IHO1: variants seen among roughly 807,000 people sequenced by gnomAD.
The protein encoded by IHO1 is interactor of HORMAD1 1.
In IHO1, 13 loss-of-function variants were observed where a neutral mutation model predicts 31.0. The observed-to-expected ratio is 0.42, with a 90% confidence interval of 0.27 to 0.67. The LOEUF (loss-of-function observed/expected upper bound fraction) is 0.67. IHO1 is among the 30% of genes least tolerant of loss of function. The pLI is 0.24. For synonymous variants in IHO1, 221 were observed against 248.4 expected (o/e 0.89, Z 1.04); for missense variants, 599 against 687.5 (o/e 0.87, Z 1.44).
upstream of IHO1, chr3:49,198,423 T>A (rs1165963824): frequency 6.6e-6 from 1 of 152,404 alleles, no homozygotes; most frequent in African/African-American, 2.4e-5. Context: ...TCCAACTCCT[T>A]GGCTGCTTTT....
intron 2 of IHO1, among the ~76,000 whole-genome samples, chr3:49,213,092 C>T (rs1299429217): frequency 6.6e-6 from 1 of 152,184 alleles, no homozygotes; most frequent in Non-Finnish European, 1.5e-5. Flanking sequence ...GGTGCATTTA[C>T]AAACCTTGAG....
rs749137201 is a variant in IHO1 at position 49,236,682 on chromosome 3, A to C, written c.191A>C (p.His64Pro). 1.2e-6 allele frequency: 2 copies of C among 1,614,080 alleles called. No individual in the cohort carries two copies. The highest frequency in any genetic ancestry group is 8.5e-7 in the Non-Finnish European group (1 of 1,180,006). ...TCAGCACCCTTGGACTTTGGTGCCC[A>C]CTTGAGACATTCAAAACAGTCACAA... ...TLSAPLDFGA[H>P]LRHSKQSQQN... Residue 64 changes from histidine (H) to proline (P), a missense_variant, in exon 3 of 8, where the codon CAC becomes CCC. His to Pro is a moderately conservative substitution (Grantham distance 77). Coordinates refer to ENST00000452691, the MANE Select transcript of IHO1 (RefSeq NM_001135197.2).
At chr3:49,208,676 C>A (rs181364340) in intron 1 of IHO1, among the ~76,000 whole-genome samples, 42 of 152,252 alleles carry the variant, frequency 2.8e-4, no homozygotes, top group African/African-American at 9.6e-4. Context: ...CTAATTTGAC[C>A]CATAATCACC....
In IHO1 at chr3:49,236,653, C is replaced by T. The variant is rs1444033940; in HGVS notation, c.162C>T (p.Thr54=). ...GSQFCPENSE[T]LSAPLDFGAH... is the part of the protein sequence containing the mutation. ...AGTTCTGTCCAGAAAATTCAGAAACCCTATCAGCACCCTTGGACTTTGGTG... is the reference window on the plus strand; with the variant it reads ...AGTTCTGTCCAGAAAATTCAGAAACTCTATCAGCACCCTTGGACTTTGGTG... Residue 54 remains threonine (T), a synonymous_variant, in exon 3 of 8, where the codon ACC becomes ACT. Coordinates refer to ENST00000452691, the MANE Select transcript of IHO1 (RefSeq NM_001135197.2). 27 of 1,613,866 alleles carry T rather than the reference C, an allele frequency of 1.7e-5. No individual in the cohort carries two copies. The highest frequency in any genetic ancestry group is 2.1e-5 in the Non-Finnish European group (25 of 1,179,948).
At chr3:49,229,995 A>G (rs1380783916) in intron 2 of IHO1, among the ~76,000 whole-genome samples, 1 of 152,166 alleles carries the variant, frequency 6.6e-6, no homozygotes, top group African/African-American at 2.4e-5. Flanking sequence ...GCAAGGTTTG[A>G]AGGAACCGCT....
At chr3:49,220,229 C>A (rs1447239722) in intron 2 of IHO1, among the ~76,000 whole-genome samples, 1 of 152,224 alleles carries the variant, frequency 6.6e-6, no homozygotes, top group Non-Finnish European at 1.5e-5. Context: ...TCGGGAAATG[C>A]CATGAGGGTC....
chr3:49,217,827 T>C (rs2046308090), intron 2 of IHO1, among the ~76,000 whole-genome samples: 1 of 152,080 alleles, frequency 6.6e-6, no homozygotes. Flanking sequence ...CAGTTCACAA[T>C]AGGGTTTGTG....
upstream of IHO1, chr3:49,198,631 C>T (rs1169516156): frequency 6.6e-6 from 1 of 152,258 alleles, no homozygotes; most frequent in Non-Finnish European, 1.5e-5. Flanking sequence ...AACGATCCTC[C>T]CGCCTCAGCC....
At chr3:49,210,932 G>A (rs966301489) in intron 1 of IHO1, among the ~76,000 whole-genome samples, 3 of 150,928 alleles carry the variant, frequency 2.0e-5, no homozygotes, top group South Asian at 2.1e-4. Flanking sequence ...TCCTGACCTA[G>A]TGATCCACCC....
intron 1 of IHO1, chr3:49,200,475 A>AAGAAAAAGAAAGAAAGAAAGAAAGAAAG (rs1553615440): frequency 9.6e-6 from 1 of 103,858 alleles, no homozygotes; most frequent in African/African-American, 6.1e-5. Flanking sequence ...AAAAAAAAAA[A>AAGAAAAAGAAAGAAAGAAAGAAAGAAAG]AAAGAAAGAA....
intron 4 of IHO1, 110 bp from the exon 5 acceptor site, chr3:49,244,294 G>A: frequency 2.8e-6 from 2 of 727,248 alleles, no homozygotes; most frequent in Non-Finnish European, 2.4e-6. Flanking sequence ...ATCAAGCAAT[G>A]TTTTGATGCT....
At position 49,256,487 on chromosome 3, in the gene IHO1, C is replaced by T; in HGVS notation, c.990C>T (p.Leu330=). 6.2e-7 allele frequency: 1 copy of T among 1,614,126 alleles called. No individual in the cohort carries two copies. Among genetic ancestry groups the T allele is most frequent in the Non-Finnish European group, 8.5e-7 (1 of 1,180,034 alleles). The part of the protein sequence containing the change: ...VWGEGAKNDD[L]QEEAALPAFG... ...GTGAAGGAGCAAAGAATGATGATCT[C>T]CAAGAAGAGGCTGCACTGCCAGCAT... Residue 330 remains leucine, a synonymous_variant, in exon 8 of 8, where the codon CTC becomes CTT. Transcript: ENST00000452691. This position sits in a 1 kb window ranked among gnomAD's most constrained non-coding sequence, Gnocchi z 4.6.
chr3:49,233,769 C>T (rs2046511682), intron 2 of IHO1, among the ~76,000 whole-genome samples: 1 of 152,206 alleles, frequency 6.6e-6, no homozygotes, highest in Admixed American at 6.5e-5. Flanking sequence ...AGCACTGTGA[C>T]ATGTTCATTA....
chr3:49,213,934 A>G (rs1335925343), intron 2 of IHO1: 1 of 412,114 alleles, frequency 2.4e-6, no homozygotes, highest in Non-Finnish European at 5.1e-6. Context: ...GCCAGAGTGG[A>G]CGCCAAGGCC....
At chr3:49,191,926 T>G in the IHO1 span, 1 of 728,500 alleles carries the variant, frequency 1.4e-6, no homozygotes, top group South Asian at 1.6e-5. Context: ...AGACAGTACA[T>G]GACCTGTTGC....
intron 1 of IHO1, among the ~76,000 whole-genome samples, chr3:49,205,027 CAAA>C (rs1001881046): frequency 7.4e-6 from 1 of 134,932 alleles, no homozygotes. Context: ...GACTCCATCT[CAAA>C]AAAAAAAAAA....
In IHO1 at chr3:49,202,806, G is replaced by T. The variant is rs1002849859; in HGVS notation, c.-16+3233G>T. Among the ~76,000 whole-genome samples, 70 of 151,324 alleles carry T rather than the reference G, an allele frequency of 4.6e-4. 1 individual carries two copies. Among genetic ancestry groups the T allele is most frequent in the African/African-American group, 1.7e-3 (70 of 41,214 alleles). ...TTCTCCTGCCTCAGCCTCCCAAGTA[G>T]CTGGAACTACAGGTGTGGACTACCA... On this transcript the variant is annotated intron_variant, in intron 1 of 7. Transcript: ENST00000452691.
At chr3:49,196,012 G>T (rs2045994319), upstream of IHO1, among the ~76,000 whole-genome samples, 1 of 150,982 alleles carries the variant, frequency 6.6e-6, no homozygotes, top group Admixed American at 6.6e-5. Context: ...GAGGCGGGCG[G>T]ATCACAAGGT....
At chr3:49,228,117 G>A (rs1053176534) in intron 2 of IHO1, among the ~76,000 whole-genome samples, 1 of 152,164 alleles carries the variant, frequency 6.6e-6, no homozygotes, top group Non-Finnish European at 1.5e-5. Flanking sequence ...ACAAGCATTA[G>A]GACCCAGGAG....
Sources: gnomAD v4.1 joint callset for allele counts (sites outside exome capture counted in the v4.1 genomes callset) on GRCh38, gnomAD v4.1.1 for gene constraint, Gnocchi (gnomAD v3.1) non-coding constraint, MANE v1.5 for transcripts, NCBI Gene and HGNC (gene_info 2026-07-23, HGNC 2026-07-21) for gene names.